Variants in NAA40 observed in about 807,000 individuals in gnomAD.
The protein encoded by NAA40 is N-alpha-acetyltransferase 40, NatD catalytic subunit, also known as N-alpha-acetyltransferase 40.
Under a neutral mutation model 36.6 loss-of-function variants are expected in NAA40, and 26 were observed. The ratio of observed to expected loss-of-function variants is 0.71; its 90% CI spans 0.52 to 0.98. The LOEUF (loss-of-function observed/expected upper bound fraction) is 0.98, where lower values mean the gene tolerates loss of function less well. Among genes scored for constraint, NAA40 ranks in the 50% least tolerant of loss-of-function variants. NAA40 has a pLI of 0.00. For missense variants in NAA40, 237 were observed against 306.5 expected (o/e 0.77, Z 1.69); for synonymous variants, 129 against 108.4 (o/e 1.19, Z -1.18).
chr11:63,947,269 C>T (rs946920894), intron 3 of NAA40, among the ~76,000 whole-genome samples: 1 of 151,850 alleles, frequency 6.6e-6, no homozygotes, highest in Non-Finnish European at 1.5e-5. Flanking sequence ...TTAGCTGGCA[C>T]GGTGGCGATC....
chr11:63,956,391 C>CA lies in NAA40; in HGVS notation c.*1914dup, dbSNP rs1252953573. 5.3e-5 allele frequency: 8 copies of CA among 152,328 alleles called. No individual in the cohort carries two copies. Among genetic ancestry groups the CA allele is most frequent in the African/African-American group, 1.7e-4 (7 of 41,442 alleles). The allele number at this position is 152,328 out of a possible 1,614,324, so 9.4% of individuals were successfully genotyped here. ...TCATGGATTCCTGATACCTCTCACT[C>CA]AAGGGGACCAAAAGGGACCCCCCCG... On this transcript the variant is annotated 3_prime_UTR_variant, in exon 8 of 8. Coordinates refer to ENST00000377793, the MANE Select transcript of NAA40 (RefSeq NM_024771.4).
chr11:63,944,270 G>A (rs760520130), intron 1 of NAA40, among the ~76,000 whole-genome samples: 5 of 152,146 alleles, frequency 3.3e-5, no homozygotes, highest in African/African-American at 7.2e-5. Context: ...GGGCCAGTCC[G>A]TGTCAGGGCT....
At chr11:63,942,228 T>C (rs190040401) in intron 1 of NAA40, among the ~76,000 whole-genome samples, 2 of 152,310 alleles carry the variant, frequency 1.3e-5, no homozygotes, top group Admixed American at 1.3e-4. Context: ...TCTGTGACCC[T>C]GCAAGTTCCT....
intron 3 of NAA40, among the ~76,000 whole-genome samples, chr11:63,949,350 T>C (rs955916939): frequency 2.0e-5 from 3 of 152,102 alleles, no homozygotes; most frequent in Non-Finnish European, 4.4e-5. Flanking sequence ...ATTCGCGGGG[T>C]ACATGTGCAG....
intron 1 of NAA40, among the ~76,000 whole-genome samples, chr11:63,944,158 C>T (rs533084049): frequency 2.6e-5 from 4 of 152,324 alleles, no homozygotes; most frequent in African/African-American, 9.6e-5. Flanking sequence ...TAAGCAGTGT[C>T]ATTCCTTGGA....
At chr11:63,940,268 C>T (rs1349515617) in intron 1 of NAA40, among the ~76,000 whole-genome samples, 1 of 152,054 alleles carries the variant, frequency 6.6e-6, no homozygotes, top group Non-Finnish European at 1.5e-5. Flanking sequence ...CCAGGCTGGT[C>T]TCGAACTCCT....
At chr11:63,939,898 C>T (rs1156913657) in intron 1 of NAA40, among the ~76,000 whole-genome samples, 2 of 152,052 alleles carry the variant, frequency 1.3e-5, no homozygotes, top group Non-Finnish European at 2.9e-5. Context: ...CCTGGAGGTG[C>T]ATTTTAGTTT....
intron 1 of NAA40, among the ~76,000 whole-genome samples, chr11:63,942,619 A>G (rs987787458): frequency 6.6e-6 from 1 of 152,182 alleles, no homozygotes; most frequent in African/African-American, 2.4e-5. Flanking sequence ...CACTGTGCTT[A>G]TTATCCATTT....
At chr11:63,948,132 G>A (rs965213008) in intron 3 of NAA40, among the ~76,000 whole-genome samples, 1 of 152,196 alleles carries the variant, frequency 6.6e-6, no homozygotes, top group Non-Finnish European at 1.5e-5. Flanking sequence ...TGGGATTACA[G>A]GTGTGAGCCA....
At chr11:63,947,107 G>A (rs187664004) in intron 3 of NAA40, 104 bp downstream of exon 3, 94 of 1,275,302 alleles carry the variant, frequency 7.4e-5, no homozygotes, top group Middle Eastern at 2.1e-4. Flanking sequence ...ATTGTTCTTC[G>A]TATTTACGAA....
At chr11:63,945,393 C>T (rs991141639) in intron 1 of NAA40, among the ~76,000 whole-genome samples, 3 of 152,088 alleles carry the variant, frequency 2.0e-5, no homozygotes, top group Non-Finnish European at 2.9e-5. Context: ...TGGAAGACAC[C>T]GAAAAGGCTT....
chr11:63,946,588 G>A (rs889359226), intron 2 of NAA40: 1 of 1,245,418 alleles, frequency 8.0e-7, no homozygotes, highest in African/African-American at 1.5e-5. Flanking sequence ...TGTGGCTCAG[G>A]GGCTTGATTT....
rs1304019078 is a variant in NAA40 at position 63,954,016 on chromosome 11, A to G, written c.539A>G (p.His180Arg). ...KVMLTVFKHN[H>R]GAYQFFREAL... is the part of the protein sequence containing the mutation. ...ATGTTAACAGTATTTAAACACAATC[A>G]TGGTGCCTACCAGTTCTTCAGAGAA... Residue 180 changes from histidine (H) to arginine (R), a missense_variant, in exon 7 of 8, where the codon CAT becomes CGT. Coordinates refer to ENST00000377793, the MANE Select transcript of NAA40 (RefSeq NM_024771.4). The G allele has an allele frequency of 6.2e-7, 1 of 1,614,148 alleles. No homozygotes were observed. Among genetic ancestry groups the G allele is most frequent in the South Asian group, 1.1e-5 (1 of 91,076 alleles).
Position 63,954,037 on chromosome 11 carries a change from G to A in NAA40, c.560G>A (p.Arg187Lys). The part of the protein sequence containing the change: ...KHNHGAYQFF[R>K]EALQFEIDDS... The stretch of plus-strand genomic sequence containing the variant: ...AATCATGGTGCCTACCAGTTCTTCA[G>A]AGAAGCGTTGCAGTAAGGAGCTGGG... Residue 187 changes from arginine (R) to lysine (K), a missense_variant, in exon 7 of 8, where the codon AGA (arginine) becomes AAA (lysine). Coordinates refer to ENST00000377793, the MANE Select transcript of NAA40 (RefSeq NM_024771.4). 2.5e-6 allele frequency: 4 copies of A among 1,614,170 alleles called. No homozygotes were observed. Among genetic ancestry groups the A allele is most frequent in the Non-Finnish European group, 3.4e-6 (4 of 1,180,032 alleles).
chr11:63,954,310 C>T (rs1942328531), intron 7 of NAA40, 28 bp from the exon 8 acceptor site: 2 of 1,562,930 alleles, frequency 1.3e-6, no homozygotes, highest in Non-Finnish European at 1.7e-6. Flanking sequence ...TGCCTGCCAC[C>T]AACCCTTTTC....
chr11:63,947,996 A>C lies in NAA40; in HGVS notation c.155+993A>C, dbSNP rs534303421. The stretch of plus-strand genomic sequence containing the variant: ...CAGCCTCCCAAAGTGTTGGGATTAC[A>C]GGTGTGAGCCACTGCGCCCAGCTAA... On this transcript the variant is annotated intron_variant, in intron 3 of 7. Coordinates refer to ENST00000377793, the MANE Select transcript of NAA40 (RefSeq NM_024771.4). 2.0e-3 allele frequency among the ~76,000 whole-genome samples: 309 copies of C among 152,116 alleles called. 1 individual carries two copies. The highest frequency in any genetic ancestry group is 4.0e-3 in the Non-Finnish European group (271 of 68,014).
chr11:63,954,203 G>C (rs1417201991), intron 7 of NAA40, 135 bp from the exon 8 acceptor site: 3 of 1,352,064 alleles, frequency 2.2e-6, no homozygotes, highest in Non-Finnish European at 3.0e-6. Flanking sequence ...AGTGCTCTCT[G>C]ATTTGGTCCA....
intron 1 of NAA40, among the ~76,000 whole-genome samples, chr11:63,943,037 C>T (rs1416588130): frequency 6.6e-6 from 1 of 152,166 alleles, no homozygotes; most frequent in Admixed American, 6.5e-5. Flanking sequence ...GATCCCTGAG[C>T]CCTGTATAAG....
At chr11:63,949,439 A>G (rs187198903) in intron 3 of NAA40, among the ~76,000 whole-genome samples, 76 of 152,142 alleles carry the variant, frequency 5.0e-4, no homozygotes, top group African/African-American at 1.7e-3. Flanking sequence ...TAAATTTTCA[A>G]CCCTCACCCT....
Sources: gnomAD v4.1 joint callset for allele counts (sites outside exome capture counted in the v4.1 genomes callset) on GRCh38, gnomAD v4.1.1 for gene constraint, MANE v1.5 for transcripts, NCBI Gene and HGNC (gene_info 2026-07-23, HGNC 2026-07-21) for gene names.